The following SMARCAD1 variants were observed in gnomAD, a reference collection of about 807,000 sequenced individuals.
SMARCAD1 encodes the protein SNF2 related chromatin remodeling ATPase with DExD box 1, also known as SWI/SNF-related matrix-associated actin-dependent regulator of chromatin subfamily A containing DEAD/H box 1.
In SMARCAD1, 25 loss-of-function variants were observed where a neutral mutation model predicts 127.1. The ratio of observed to expected loss-of-function variants is 0.20; its 90% confidence interval spans 0.14 to 0.27. The LOEUF is 0.27. SMARCAD1 is among the 10% of genes least tolerant of loss of function. The pLI, the probability that SMARCAD1 is intolerant of heterozygous loss-of-function variation, is 1.00. For synonymous variants in SMARCAD1, 400 were observed against 396.9 expected (o/e 1.01, Z -0.09); for missense variants, 807 against 1,206.0 (o/e 0.67, Z 4.90).
At chr4:94,287,441 T>C (rs554655804) in intron 23 of SMARCAD1, among the ~76,000 whole-genome samples, 1 of 152,300 alleles carries the variant, frequency 6.6e-6, no homozygotes, top group South Asian at 2.1e-4. Flanking sequence ...TACATGAAAC[T>C]ATGAAAGGTA....
intron 23 of SMARCAD1, among the ~76,000 whole-genome samples, chr4:94,288,468 T>C (rs1002669756): frequency 7.9e-5 from 12 of 152,298 alleles, no homozygotes; most frequent in African/African-American, 2.6e-4. Flanking sequence ...TGGGCTATTT[T>C]CAAGTCTGTG....
chr4:94,245,591 A>G (rs1156693810), intron 6 of SMARCAD1, among the ~76,000 whole-genome samples: 1 of 152,232 alleles, frequency 6.6e-6, no homozygotes, highest in Non-Finnish European at 1.5e-5. Context: ...CTGGTGTTAA[A>G]AATTTCCATT....
intron 2 of SMARCAD1, among the ~76,000 whole-genome samples, chr4:94,223,632 G>A (rs1372105006): frequency 6.6e-6 from 1 of 150,418 alleles, no homozygotes; most frequent in African/African-American, 2.5e-5. Context: ...GCAGTGGCAC[G>A]ATCCTGGCTC....
At chr4:94,220,827 TA>T (rs1244545357) in intron 2 of SMARCAD1, among the ~76,000 whole-genome samples, 1 of 152,238 alleles carries the variant, frequency 6.6e-6, no homozygotes, top group African/African-American at 2.4e-5. Context: ...CTTGAAGCAG[TA>T]AAAATTAGTA....
In SMARCAD1 at chr4:94,270,829, T is replaced by C. The variant is rs769005614; in HGVS notation, c.1572+11T>C. 13 of 1,607,068 alleles carry C rather than the reference T, an allele frequency of 8.1e-6. No homozygotes were observed. In the South Asian group the frequency reaches 1.4e-4, roughly 18 times the overall value. On this transcript the variant is annotated intron_variant, in intron 11 of 23. Coordinates refer to ENST00000354268, the MANE Select transcript of SMARCAD1 (RefSeq NM_020159.5). ...TTGGCAGATGAAATGGTAAGTGTAC[T>C]TTATTTCTAAGATTTGTTGTTGAAA...
intron 6 of SMARCAD1, chr4:94,248,700 G>A (rs190517295): frequency 8.3e-5 from 28 of 338,846 alleles, no homozygotes; most frequent in Non-Finnish European, 6.4e-5. Flanking sequence ...AGACCACTTA[G>A]TATTATGAAA....
chr4:94,271,850 A>G (rs1375016048), intron 11 of SMARCAD1, among the ~76,000 whole-genome samples: 3 of 152,228 alleles, frequency 2.0e-5, no homozygotes, highest in Admixed American at 6.5e-5. Context: ...TCTTTATATC[A>G]TAAGATTGCA....
chr4:94,236,789 CAG>C (rs1400645928), intron 4 of SMARCAD1, among the ~76,000 whole-genome samples, 161 bp from the exon 5 acceptor site: 1 of 152,106 alleles, frequency 6.6e-6, no homozygotes, highest in Non-Finnish European at 1.5e-5. Context: ...TTACATAAAA[CAG>C]ATTTTCTGAA....
At chr4:94,280,924 G>A (rs375820099) in intron 20 of SMARCAD1, 144 bp downstream of exon 20, 74 of 772,176 alleles carry the variant, frequency 9.6e-5, no homozygotes, top group East Asian at 7.9e-4. Context: ...TTTTCTTGAC[G>A]TATTTTCTTG....
intron 10 of SMARCAD1, among the ~76,000 whole-genome samples, chr4:94,267,109 A>G (rs1560553844): frequency 6.6e-6 from 1 of 152,128 alleles, no homozygotes; most frequent in African/African-American, 2.4e-5. Flanking sequence ...TCAGAATACA[A>G]TATATTTAAT....
intron 2 of SMARCAD1, chr4:94,213,126 ATCC>A: frequency 7.8e-7 from 1 of 1,283,930 alleles, no homozygotes; most frequent in Non-Finnish European, 1.0e-6. Context: ...GTGAAGCCTG[ATCC>A]TCCAAGAGCA....
rs1179818369 is a variant in SMARCAD1, at chr4:94,207,912, C to G, written c.-208C>G. The G allele has an allele frequency of 3.0e-6, 1 of 337,922 alleles. No individual in the cohort carries two copies. The highest frequency in any genetic ancestry group is 5.8e-6 in the Non-Finnish European group (1 of 172,128). The allele number at this position is 337,922 out of a possible 1,614,324, so 20.9% of individuals were successfully genotyped here. On this transcript the variant is annotated 5_prime_UTR_variant, in exon 1 of 24. Coordinates refer to ENST00000354268, the MANE Select transcript of SMARCAD1 (RefSeq NM_020159.5). ...CCGCCAGCACGGCCTCCGCCGCTCC[C>G]CTTCTTTGGCCCCTTTGTGTCCCCG... is the stretch of plus-strand genomic sequence containing the variant.
intron 3 of SMARCAD1, among the ~76,000 whole-genome samples, chr4:94,229,758 G>A (rs951543792): frequency 2.6e-5 from 4 of 151,254 alleles, no homozygotes; most frequent in Admixed American, 6.6e-5. Flanking sequence ...GTAGGGGGTT[G>A]GAGTTAGGGA....
intron 3 of SMARCAD1, among the ~76,000 whole-genome samples, chr4:94,232,622 A>C (rs1338715869): frequency 2.0e-5 from 3 of 152,228 alleles, no homozygotes; most frequent in Non-Finnish European, 2.9e-5. Context: ...GCGGTTTCTC[A>C]GAGCTGATCT....
chr4:94,221,800 G>T (rs1389445154), intron 2 of SMARCAD1, among the ~76,000 whole-genome samples: 2 of 152,108 alleles, frequency 1.3e-5, no homozygotes, highest in African/African-American at 4.8e-5. Context: ...AAAGAAAAGC[G>T]TACCATTTTA....
In SMARCAD1 at chr4:94,226,167, T is replaced by C. The variant is rs1213643466; in HGVS notation, c.239T>C (p.Ile80Thr). ...ETPDNERKAS[I>T]SYFKNQRGIQ... is the part of the protein sequence containing the mutation. ...CCAGATAATGAAAGAAAAGCAAGTA[T>C]ATCATATTTCAAAAATCAAAGAGGA... Residue 80 changes from isoleucine to threonine, a missense_variant, in exon 3 of 24, where the codon ATA becomes ACA. This residue lies in a region of SMARCAD1 where 175 missense variants were observed against 169.5 expected (regional missense o/e 1.03). Coordinates refer to ENST00000354268, the MANE Select transcript of SMARCAD1 (RefSeq NM_020159.5). 1.7e-5 allele frequency: 28 copies of C among 1,611,804 alleles called. No homozygotes were observed. Among genetic ancestry groups the C allele is most frequent in the Non-Finnish European group, 2.3e-5 (27 of 1,178,236 alleles).
rs11541129 is a variant in SMARCAD1 at position 94,208,543 on chromosome 4, G to A, written c.149G>A (p.Ser50Asn). The change falls in exon 2 of 24, where the codon AGC becomes AAC. Residue 50 changes from serine (S) to asparagine (N), a missense_variant. Physicochemically the swap from Ser to Asn is conservative, Grantham distance 46. Transcript: ENST00000354268. The part of the protein sequence containing the change: ...AEEENAEGEV[S>N]RANTPDSDIT... ...GAGGAGAATGCTGAAGGGGAAGTTAGCAGGGCAAACACTCCTGATTCAGAT... is the reference window on the plus strand; with the variant it reads ...GAGGAGAATGCTGAAGGGGAAGTTAACAGGGCAAACACTCCTGATTCAGAT... 6.2e-7 allele frequency: 1 copy of A among 1,614,132 alleles called. No homozygotes were observed. The highest frequency in any genetic ancestry group is 8.5e-7 in the Non-Finnish European group (1 of 1,180,020).
Position 94,278,945 on chromosome 4 carries a change from GTGCAATGTCATGA to G in SMARCAD1, c.2318_2330del (p.Asn773SerfsTer2). 6.2e-7 allele frequency: 1 copy of G among 1,613,976 alleles called. No individual in the cohort carries two copies. Among genetic ancestry groups the G allele is most frequent in the Non-Finnish European group, 8.5e-7 (1 of 1,179,934 alleles). On this transcript the variant is annotated frameshift_variant, in exon 19 of 24. Coordinates refer to ENST00000354268, the MANE Select transcript of SMARCAD1 (RefSeq NM_020159.5). LOFTEE classifies it high-confidence loss of function. ...GAGTCACAGAAAAAAACACAGAAAT[GTGCAATGTCATGA>G]TGCAGTTGAGGAAAATGGCCAATCA... is the stretch of plus-strand genomic sequence containing the variant.
intron 9 of SMARCAD1, among the ~76,000 whole-genome samples, chr4:94,260,342 A>AT (rs1375703059): frequency 6.6e-6 from 1 of 151,854 alleles, no homozygotes; most frequent in African/African-American, 2.4e-5. Flanking sequence ...AATACTTTTT[A>AT]TTTTATTTTT....
Sources: allele counts gnomAD v4.1 joint callset (sites outside exome capture counted in the v4.1 genomes callset), GRCh38; gene constraint gnomAD v4.1.1; regional missense constraint gnomAD v4.1.1; transcripts MANE v1.5; gene names NCBI Gene and HGNC (gene_info 2026-07-23, HGNC 2026-07-21).